ATG10: variants seen among roughly 807,000 people sequenced by gnomAD.
ATG10 encodes the protein ubiquitin-like-conjugating enzyme ATG10.
A neutral mutation model predicts 32.1 loss-of-function variants in ATG10; 30 were observed. The observed-to-expected ratio is 0.94, with a 90% confidence interval of 0.70 to 1.27. The LOEUF (loss-of-function observed/expected upper bound fraction) is 1.27. Ranked by LOEUF, ATG10 falls within the 50% of genes most tolerant of loss-of-function variation. The pLI, the probability that ATG10 is intolerant of heterozygous loss-of-function variation, is 0.00. For missense variants in ATG10, 233 were observed against 262.3 expected (o/e 0.89, Z 0.77); for synonymous variants, 87 against 91.5 (o/e 0.95, Z 0.28).
At chr5:82,174,414 T>C (rs1223003872) in intron 4 of ATG10, among the ~76,000 whole-genome samples, 1 of 152,218 alleles carries the variant, frequency 6.6e-6, no homozygotes, top group Non-Finnish European at 1.5e-5. Flanking sequence ...CTCTGATTAC[T>C]CAACATATTT....
chr5:82,241,663 G>T (rs950907624), intron 5 of ATG10, among the ~76,000 whole-genome samples: 1 of 152,038 alleles, frequency 6.6e-6, no homozygotes, highest in Non-Finnish European at 1.5e-5. Flanking sequence ...CCAAAGAAGT[G>T]CATGGCTTGC....
At chr5:82,194,341 T>G (rs185104633) in intron 5 of ATG10, among the ~76,000 whole-genome samples, 4 of 152,314 alleles carry the variant, frequency 2.6e-5, no homozygotes, top group Non-Finnish European at 5.9e-5. Context: ...TGCTTTAAAA[T>G]GTTTGTAAAT....
intron 5 of ATG10, among the ~76,000 whole-genome samples, chr5:82,204,435 A>C (rs377287279): frequency 6.6e-6 from 1 of 152,196 alleles, no homozygotes; most frequent in African/African-American, 2.4e-5. Context: ...TGTATTTTAC[A>C]ATGTACCAGA....
rs879908114 is a variant in ATG10, at chr5:81,980,646, GT to G, written c.-12-6900del. On this transcript the variant is annotated intron_variant, in intron 1 of 7. Transcript: ENST00000282185. ...TTTGTGTGATTTGAAATAATTTATAGTTTTTTTTTTTTTAGTTTTTTGGGGT... is the reference window on the plus strand; with the variant it reads ...TTTGTGTGATTTGAAATAATTTATAGTTTTTTTTTTTTAGTTTTTTGGGGT... 2.1e-3 allele frequency among the ~76,000 whole-genome samples: 310 copies of G among 145,736 alleles called. 1 individual carries two copies. The highest frequency in any genetic ancestry group is 5.9e-3 in the African/African-American group (238 of 40,074).
intron 3 of ATG10, among the ~76,000 whole-genome samples, chr5:82,143,035 C>T (rs977230651): frequency 6.6e-6 from 1 of 152,092 alleles, no homozygotes; most frequent in East Asian, 1.9e-4. Context: ...GATCTTTTGG[C>T]AGAGAGGTAA....
intron 3 of ATG10, among the ~76,000 whole-genome samples, chr5:82,102,819 G>A (rs575828739): frequency 6.6e-6 from 1 of 152,092 alleles, no homozygotes; most frequent in Non-Finnish European, 1.5e-5. Context: ...ACCACTGTTG[G>A]ATCCTAGCTG....
chr5:82,010,017 G>T (rs1762085414), intron 2 of ATG10: 1 of 1,609,266 alleles, frequency 6.2e-7, no homozygotes. Context: ...GACCTTGTCA[G>T]CTAACAGCTC....
intron 3 of ATG10, among the ~76,000 whole-genome samples, chr5:82,101,522 AAGG>A (rs1198119983): frequency 6.6e-6 from 1 of 152,170 alleles, no homozygotes; most frequent in Non-Finnish European, 1.5e-5. Context: ...ATTAGGGAAG[AAGG>A]AGGACAATGG....
At chr5:82,062,168 A>T (rs1763804045) in intron 3 of ATG10, among the ~76,000 whole-genome samples, 1 of 151,800 alleles carries the variant, frequency 6.6e-6, no homozygotes, top group Non-Finnish European at 1.5e-5. Flanking sequence ...AGAATAACAT[A>T]TTTTTTTTCA....
At chr5:82,078,178 GGTTA>G (rs1237636813) in intron 3 of ATG10, among the ~76,000 whole-genome samples, 1 of 152,080 alleles carries the variant, frequency 6.6e-6, no homozygotes, top group African/African-American at 2.4e-5. Context: ...TTTCTTGGAT[GGTTA>G]GTTCCCCTCT....
intron 3 of ATG10, among the ~76,000 whole-genome samples, chr5:82,065,010 G>C (rs975525682): frequency 3.3e-5 from 5 of 152,116 alleles, no homozygotes; most frequent in Admixed American, 3.3e-4. Context: ...GTTAAGTTCT[G>C]GCTTTGGGAA....
chr5:82,081,928 G>T (rs1362808402), intron 3 of ATG10, among the ~76,000 whole-genome samples: 2 of 152,212 alleles, frequency 1.3e-5, no homozygotes, highest in Non-Finnish European at 2.9e-5. Context: ...GTTTCAGAAG[G>T]AATGGTACCA....
At chr5:82,251,123 C>G (rs925478452) in intron 5 of ATG10, among the ~76,000 whole-genome samples, 5 of 152,204 alleles carry the variant, frequency 3.3e-5, no homozygotes, top group Non-Finnish European at 5.9e-5. Context: ...TAGTGGATAA[C>G]TCATCCCTCA....
At chr5:82,094,931 C>G (rs193037759) in intron 3 of ATG10, among the ~76,000 whole-genome samples, 1 of 151,378 alleles carries the variant, frequency 6.6e-6, no homozygotes, top group Non-Finnish European at 1.5e-5. Context: ...AATATACAAA[C>G]ACACGAACAC....
chr5:82,058,461 A>G, intron 2 of ATG10, 34 bp from the exon 3 acceptor site: 5 of 1,459,328 alleles, frequency 3.4e-6, no homozygotes, highest in East Asian at 2.3e-5. Flanking sequence ...AATAATTGGC[A>G]TTTTCTTATA....
chr5:82,060,081 G>A (rs1230189967), intron 3 of ATG10, among the ~76,000 whole-genome samples: 1 of 152,138 alleles, frequency 6.6e-6, no homozygotes, highest in Non-Finnish European at 1.5e-5. Flanking sequence ...ACACTTTCTG[G>A]TTGATGTTTT....
chr5:81,982,251 A>T (rs987949304), intron 1 of ATG10, among the ~76,000 whole-genome samples: 3 of 152,284 alleles, frequency 2.0e-5, no homozygotes, highest in African/African-American at 7.2e-5. Flanking sequence ...GGATTGCCTG[A>T]GCTCAGGAGT....
Position 81,983,751 on chromosome 5 carries a change from C to T in ATG10, c.-12-3808C>T, listed in dbSNP as rs1405880639. Among the ~76,000 whole-genome samples, 635 of 147,792 alleles carry T rather than the reference C, an allele frequency of 4.3e-3. 15 individuals carry two copies. The highest frequency in any genetic ancestry group is 0.016 in the African/African-American group (598 of 38,496). ...GGGGCTTCTCACTTCTCAGACAGGGCGGCTGCTGGGCGGAGGGTCTCCTCA... is the reference window on the plus strand; with the variant it reads ...GGGGCTTCTCACTTCTCAGACAGGGTGGCTGCTGGGCGGAGGGTCTCCTCA... On this transcript the variant is annotated intron_variant, in intron 1 of 7. Coordinates refer to ENST00000282185, the MANE Select transcript of ATG10 (RefSeq NM_031482.5).
intron 5 of ATG10, among the ~76,000 whole-genome samples, chr5:82,189,296 A>C (rs1744569404): frequency 1.3e-5 from 2 of 152,380 alleles, no homozygotes; most frequent in Non-Finnish European, 2.9e-5. Flanking sequence ...AACAAATAAC[A>C]AGGGAGAGCC....
Sources: allele counts gnomAD v4.1 joint callset (sites outside exome capture counted in the v4.1 genomes callset), GRCh38; gene constraint gnomAD v4.1.1; transcripts MANE v1.5; gene names NCBI Gene and HGNC (gene_info 2026-07-23, HGNC 2026-07-21).